Variants in TRIQK observed in about 807,000 individuals in gnomAD.
TRIQK encodes the protein triple QxxK/R motif containing.
TRIQK carries 10 observed loss-of-function variants against 10.8 expected under a neutral mutation model. The ratio of observed to expected loss-of-function variants is 0.92; its 90% CI spans 0.57 to 1.57. The LOEUF (loss-of-function observed/expected upper bound fraction) is 1.57, where lower values mean the gene tolerates loss of function less well. Ranked by LOEUF, TRIQK falls within the 40% of genes most tolerant of loss-of-function variation. The pLI, the probability that TRIQK is intolerant of heterozygous loss-of-function variation, is 0.00. For missense variants in TRIQK, 107 were observed against 97.7 expected (o/e 1.09, Z -0.40); for synonymous variants, 33 against 33.7 (o/e 0.98, Z 0.07).
intron 2 of TRIQK, among the ~76,000 whole-genome samples, chr8:92,932,233 G>A (rs1586448697): frequency 2.0e-5 from 3 of 151,948 alleles, no homozygotes; most frequent in Admixed American, 6.6e-5. Context: ...CCCTCCTTGG[G>A]TACCTCATTC....
upstream of TRIQK, among the ~76,000 whole-genome samples, chr8:92,967,375 A>G (rs938144175): frequency 1.3e-5 from 2 of 152,188 alleles, no homozygotes; most frequent in Admixed American, 1.3e-4. Context: ...AATTGTTGGA[A>G]TAAAAGAAAC....
intron 3 of TRIQK, among the ~76,000 whole-genome samples, chr8:92,898,597 C>T (rs1808731499): frequency 2.0e-5 from 3 of 151,768 alleles, no homozygotes; most frequent in Non-Finnish European, 4.4e-5. Context: ...TACTTCTCCT[C>T]CATAGCTTTA....
intron 4 of TRIQK, among the ~76,000 whole-genome samples, chr8:92,891,040 G>A (rs1270176027): frequency 2.0e-5 from 3 of 151,712 alleles, no homozygotes; most frequent in Non-Finnish European, 4.4e-5. Flanking sequence ...AGATGGTGTT[G>A]TGCAAACATA....
chr8:92,908,650 T>C (rs906619371), intron 3 of TRIQK, among the ~76,000 whole-genome samples: 1 of 152,116 alleles, frequency 6.6e-6, no homozygotes, highest in Admixed American at 6.5e-5. Flanking sequence ...CCAAGTTCTA[T>C]TCACTGTCTG....
chr8:92,924,753 TATTA>T (rs780028412), intron 2 of TRIQK, among the ~76,000 whole-genome samples: 27 of 151,838 alleles, frequency 1.8e-4, no homozygotes, highest in Non-Finnish European at 3.4e-4. Flanking sequence ...TTATAAGTCA[TATTA>T]ATTATTTCAA....
In TRIQK at chr8:93,004,701, G is replaced by T. The variant is rs1005736418; in HGVS notation, c.-181+12908C>A. On this transcript the variant is annotated intron_variant, in intron 1 of 4. Coordinates refer to the TRIQK transcript ENST00000520686. ...TTTAGAAGTAGCCAGGCCACAATTT[G>T]AATGCTTTGCTGCTTAGAAATTTCT... Among the ~76,000 whole-genome samples the T allele has an allele frequency of 6.6e-5, 10 of 152,188 alleles. No homozygotes were observed. In the East Asian group the frequency reaches 1.9e-3, roughly 29 times the overall value.
chr8:92,960,007 A>G (rs1812370806), intron 1 of TRIQK, among the ~76,000 whole-genome samples: 1 of 152,202 alleles, frequency 6.6e-6, no homozygotes, highest in Admixed American at 6.5e-5. Context: ...TATGGAAAAC[A>G]TTTATTTTCT....
intron 3 of TRIQK, among the ~76,000 whole-genome samples, chr8:92,914,267 A>C (rs568717031): frequency 2.0e-4 from 31 of 151,924 alleles, no homozygotes; most frequent in South Asian, 8.3e-4. Context: ...TTTTTCTAGT[A>C]GTTTTATGTC....
At chr8:92,930,555 G>A (rs1379501654) in intron 2 of TRIQK, among the ~76,000 whole-genome samples, 2 of 151,958 alleles carry the variant, frequency 1.3e-5, no homozygotes, top group East Asian at 3.9e-4. Flanking sequence ...GCCAGTAAGG[G>A]AGGCAGCTTG....
intron 3 of TRIQK, among the ~76,000 whole-genome samples, chr8:92,916,033 T>G (rs1465177981): frequency 2.0e-5 from 3 of 152,132 alleles, no homozygotes; most frequent in South Asian, 2.1e-4. Flanking sequence ...TTTTATTAAT[T>G]TATTTTGTAT....
At chr8:92,940,772 A>G (rs1427435224) in intron 2 of TRIQK, among the ~76,000 whole-genome samples, 2 of 152,196 alleles carry the variant, frequency 1.3e-5, no homozygotes, top group African/African-American at 4.8e-5. Flanking sequence ...CTCTAGGCCA[A>G]AAGAACCTAA....
intron 1 of TRIQK, among the ~76,000 whole-genome samples, chr8:92,987,806 G>T (rs1267233780): frequency 6.6e-6 from 1 of 151,902 alleles, no homozygotes; most frequent in Non-Finnish European, 1.5e-5. Context: ...AAAACATGGG[G>T]ATAGTTTCTC....
intron 1 of TRIQK, among the ~76,000 whole-genome samples, chr8:92,959,131 T>G (rs1358546195): frequency 5.9e-5 from 9 of 152,096 alleles, no homozygotes; most frequent in Admixed American, 5.9e-4. Context: ...CATGTCCACA[T>G]TATCCTTTTG....
At chr8:92,924,920 T>C (rs2059531) in intron 2 of TRIQK, among the ~76,000 whole-genome samples, 101,530 of 151,782 alleles carry the variant, frequency 0.67, 34,272 homozygotes, top group Admixed American at 0.78. Flanking sequence ...AGTTCACCTA[T>C]ACTTTGACAA....
At chr8:92,914,521 T>C (rs549541327) in intron 3 of TRIQK, among the ~76,000 whole-genome samples, 2 of 152,324 alleles carry the variant, frequency 1.3e-5, no homozygotes, top group African/African-American at 2.4e-5. Context: ...AAGGAACTTA[T>C]ATTTTACAAT....
intron 3 of TRIQK, among the ~76,000 whole-genome samples, chr8:92,900,168 T>C (rs989798011): frequency 1.3e-5 from 2 of 152,182 alleles, no homozygotes; most frequent in Admixed American, 1.3e-4. Flanking sequence ...GTTAGATAGT[T>C]TGCAAATATT....
At chr8:92,914,254 CT>C (rs1261846474) in intron 3 of TRIQK, among the ~76,000 whole-genome samples, 26 of 152,180 alleles carry the variant, frequency 1.7e-4, no homozygotes, top group African/African-American at 5.1e-4. Context: ...TGTCCCCCTT[CT>C]TTTTTTCTAG....
intron 4 of TRIQK, among the ~76,000 whole-genome samples, chr8:92,891,347 ATTC>A (rs773371780): frequency 2.0e-5 from 3 of 151,952 alleles, no homozygotes; most frequent in Non-Finnish European, 4.4e-5. Context: ...TGCCAAATTA[ATTC>A]TTCTATTAAT....
intron 3 of TRIQK, among the ~76,000 whole-genome samples, chr8:92,913,846 T>C (rs991114992): frequency 6.6e-6 from 1 of 152,172 alleles, no homozygotes; most frequent in Admixed American, 6.5e-5. Flanking sequence ...GGAAACCATC[T>C]TTCTCAGCAA....
Sources: gnomAD v4.1 joint callset for allele counts (sites outside exome capture counted in the v4.1 genomes callset) on GRCh38, gnomAD v4.1.1 for gene constraint, MANE v1.5 for transcripts, NCBI Gene and HGNC (gene_info 2026-07-23, HGNC 2026-07-21) for gene names.